The following TAFA2 variants were observed in gnomAD, a reference collection of about 807,000 sequenced individuals.
TAFA2 encodes chemokine-like protein TAFA-2.
TAFA2 carries 7 observed loss-of-function variants against 18.8 expected under a neutral mutation model. That is an observed-to-expected ratio of 0.37 (90% CI 0.21 to 0.70). TAFA2 has a LOEUF of 0.70. TAFA2 is among the 30% of genes least tolerant of loss of function. The pLI is 0.53. For missense variants in TAFA2, 122 were observed against 158.1 expected (o/e 0.77, Z 1.23); for synonymous variants, 60 against 54.2 (o/e 1.11, Z -0.47).
chr12:62,133,252 A>G (rs1026864534), intron 1 of TAFA2, among the ~76,000 whole-genome samples: 10 of 152,018 alleles, frequency 6.6e-5, no homozygotes, highest in African/African-American at 2.4e-4. Context: ...AACTTTCCAC[A>G]TTGGATATTC....
chr12:61,795,164 G>C (rs547184719), intron 2 of TAFA2, among the ~76,000 whole-genome samples: 6 of 152,134 alleles, frequency 3.9e-5, no homozygotes, highest in African/African-American at 1.2e-4. Context: ...TTGTGGAAGA[G>C]AGTGTGGCAA....
chr12:62,218,204 C>T lies in TAFA2; in HGVS notation c.-130+40559G>A, dbSNP rs543501232. Among the ~76,000 whole-genome samples the T allele has an allele frequency of 4.6e-5, 7 of 152,018 alleles. No homozygotes were observed. In the East Asian group the frequency reaches 1.4e-3, roughly 29 times the overall value. ...TAGAGATGAGGTCTTACTATGTTGC[C>T]CAGGCTGGTCTTGAACCCCTAAACT... On this transcript the variant is annotated intron_variant, in intron 1 of 5. Coordinates refer to the TAFA2 transcript ENST00000551619.
At chr12:62,191,081 G>A (rs1365369271) in intron 1 of TAFA2, among the ~76,000 whole-genome samples, 178 bp downstream of exon 1, 1 of 152,038 alleles carries the variant, frequency 6.6e-6, no homozygotes, top group African/African-American at 2.4e-5. Context: ...GACGCCGGCC[G>A]ATGGACCCGC....
At chr12:61,906,474 G>T (rs1044374735) in intron 1 of TAFA2, among the ~76,000 whole-genome samples, 2 of 152,170 alleles carry the variant, frequency 1.3e-5, no homozygotes, top group African/African-American at 4.8e-5. Context: ...CTCCAGCCAG[G>T]TGGAACTGTG....
upstream of TAFA2, among the ~76,000 whole-genome samples, chr12:62,193,862 T>C (rs542173759): frequency 2.6e-5 from 4 of 152,352 alleles, no homozygotes; most frequent in South Asian, 8.3e-4. Context: ...TTTAACTTGA[T>C]AATCTAAATT....
chr12:61,787,193 C>A (rs1870775624), intron 2 of TAFA2, among the ~76,000 whole-genome samples: 1 of 151,204 alleles, frequency 6.6e-6, no homozygotes, highest in Admixed American at 6.6e-5. Context: ...ACCTGTTAGC[C>A]AAGAATATTA....
intron 1 of TAFA2, among the ~76,000 whole-genome samples, chr12:61,955,793 GT>G (rs1878676767): frequency 1.3e-5 from 2 of 150,760 alleles, no homozygotes; most frequent in South Asian, 4.2e-4. Context: ...AATGTACATG[GT>G]TTTCACAATG....
At chr12:62,258,237 ACT>A (rs2062949884) in intron 1 of TAFA2, 1 of 152,122 alleles carries the variant, frequency 6.6e-6, no homozygotes, top group Non-Finnish European at 1.5e-5. Flanking sequence ...CTCTTTCCTG[ACT>A]CTGATGGCAG....
At chr12:62,111,193 T>C (rs1869715090) in intron 1 of TAFA2, among the ~76,000 whole-genome samples, 1 of 152,228 alleles carries the variant, frequency 6.6e-6, no homozygotes, top group South Asian at 2.1e-4. Flanking sequence ...TGTGTCTTTG[T>C]TCTCATTGGT....
At chr12:61,849,235 A>G (rs1049707371) in intron 2 of TAFA2, among the ~76,000 whole-genome samples, 3 of 152,166 alleles carry the variant, frequency 2.0e-5, no homozygotes, top group African/African-American at 7.2e-5. Context: ...TATTATTCCT[A>G]TTTTACAGAT....
intron 1 of TAFA2, chr12:62,234,801 G>T: frequency 2.0e-6 from 2 of 1,006,626 alleles, no homozygotes; most frequent in Non-Finnish European, 1.6e-6. Context: ...CGGTAGGAAT[G>T]GGCCTGCTTG....
In TAFA2 at chr12:62,117,456, G is replaced by A. The variant is rs147517534; in HGVS notation, c.-2+73803C>T. Reference sequence around the variant, plus strand: ...TATGTTTTAGTAAATTAGATATTTAGATCTGAAATTCCACATATTGACTCA... The same window carrying A: ...TATGTTTTAGTAAATTAGATATTTAAATCTGAAATTCCACATATTGACTCA... On this transcript the variant is annotated intron_variant, in intron 1 of 4. Coordinates refer to ENST00000416284, the MANE Select transcript of TAFA2 (RefSeq NM_178539.5). Among the ~76,000 whole-genome samples the A allele has an allele frequency of 7.8e-3, 1,182 of 152,162 alleles. 9 individuals carry two copies. Among genetic ancestry groups the A allele is most frequent in the Non-Finnish European group, 0.014 (943 of 67,994 alleles).
intron 1 of TAFA2, among the ~76,000 whole-genome samples, chr12:62,083,073 AATTCAGGC>A (rs1868348074): frequency 6.6e-6 from 1 of 152,120 alleles, no homozygotes; most frequent in African/African-American, 2.4e-5. Flanking sequence ...CTCATTCTGG[AATTCAGGC>A]TTTTAACCAG....
At chr12:61,930,862 C>T (rs751615037) in intron 1 of TAFA2, among the ~76,000 whole-genome samples, 24 of 152,162 alleles carry the variant, frequency 1.6e-4, no homozygotes, top group Non-Finnish European at 2.8e-4. Flanking sequence ...ATGGTACACA[C>T]GGGATTAGCA....
chr12:61,713,166 A>G (rs550270989), intron 4 of TAFA2, among the ~76,000 whole-genome samples: 48 of 152,330 alleles, frequency 3.2e-4, no homozygotes, highest in Non-Finnish European at 5.1e-4. Flanking sequence ...AACACAATGT[A>G]GCCCACTCTT....
intron 2 of TAFA2, among the ~76,000 whole-genome samples, chr12:61,763,032 C>T (rs1869628846): frequency 6.6e-6 from 1 of 152,024 alleles, no homozygotes; most frequent in African/African-American, 2.4e-5. Context: ...CTTTCTGAGA[C>T]AGCTAATTTC....
rs148252436 is a variant in TAFA2, at chr12:61,730,807, A to G, written c.385-20390T>C. 1.6e-4 allele frequency among the ~76,000 whole-genome samples: 25 copies of G among 152,230 alleles called. No homozygotes were observed. In the East Asian group the frequency reaches 3.7e-3, roughly 22 times the overall value. ...AAATTTACATCCAGGCCTTCAGTGT[A>G]CAGGGCTGAGATCTTGTCCCAGGCT... On this transcript the variant is annotated intron_variant, in intron 4 of 4. Transcript: ENST00000416284.
intron 2 of TAFA2, among the ~76,000 whole-genome samples, chr12:61,790,620 T>C (rs753468640): frequency 3.3e-5 from 5 of 151,640 alleles, no homozygotes; most frequent in Non-Finnish European, 7.4e-5. Context: ...TTACAATAGC[T>C]ACCAAAAAGC....
chr12:62,161,255 C>A (rs2062405118), intron 1 of TAFA2, among the ~76,000 whole-genome samples: 1 of 152,204 alleles, frequency 6.6e-6, no homozygotes. Flanking sequence ...TACTCACACT[C>A]ATTTTTATCA....
Sources: allele counts gnomAD v4.1 joint callset (sites outside exome capture counted in the v4.1 genomes callset), GRCh38; gene constraint gnomAD v4.1.1; transcripts MANE v1.5; gene names NCBI Gene and HGNC (gene_info 2026-07-23, HGNC 2026-07-21).